Variants in TEC observed in about 807,000 individuals in gnomAD.
TEC encodes tyrosine-protein kinase Tec.
TEC carries 72 observed loss-of-function variants against 93.0 expected under a neutral mutation model. The ratio of observed to expected loss-of-function variants is 0.77; its 90% CI spans 0.64 to 0.94. The LOEUF (loss-of-function observed/expected upper bound fraction) is 0.94. TEC is among the 40% of genes least tolerant of loss of function. The pLI, the probability that TEC is intolerant of heterozygous loss-of-function variation, is 0.00. For synonymous variants in TEC, 249 were observed against 247.7 expected (o/e 1.01, Z -0.05); for missense variants, 630 against 757.9 (o/e 0.83, Z 1.98).
At chr4:48,263,944 C>A (rs1291453746) in intron 1 of TEC, among the ~76,000 whole-genome samples, 1 of 152,156 alleles carries the variant, frequency 6.6e-6, no homozygotes. Context: ...ACTGCTATGA[C>A]TGAATGGTGC....
chr4:48,179,716 GGC>G (rs530985403), intron 2 of TEC, among the ~76,000 whole-genome samples: 115 of 152,060 alleles, frequency 7.6e-4, no homozygotes, highest in African/African-American at 2.7e-3. Context: ...AGAGAACAAT[GGC>G]TTACATTTCA....
At chr4:48,200,280 G>C (rs139325425) in intron 2 of TEC, among the ~76,000 whole-genome samples, 1 of 152,164 alleles carries the variant, frequency 6.6e-6, no homozygotes, top group African/African-American at 2.4e-5. Flanking sequence ...TGGGCTGGGG[G>C]GTGGGGAGTG....
At chr4:48,186,121 G>C (rs1408435396) in intron 2 of TEC, among the ~76,000 whole-genome samples, 1 of 152,202 alleles carries the variant, frequency 6.6e-6, no homozygotes, top group Non-Finnish European at 1.5e-5. Flanking sequence ...GGCCTCCCGA[G>C]GTGCCGGGAT....
chr4:48,181,889 G>A (rs1379019204), intron 2 of TEC, among the ~76,000 whole-genome samples: 1 of 152,110 alleles, frequency 6.6e-6, no homozygotes, highest in African/African-American at 2.4e-5. Flanking sequence ...AGTTACCGTA[G>A]AAGGAACTCA....
intron 2 of TEC, among the ~76,000 whole-genome samples, chr4:48,194,739 T>C (rs762439631): frequency 8.5e-5 from 13 of 152,294 alleles, no homozygotes; most frequent in Non-Finnish European, 1.6e-4. Context: ...AGGTCTCTAG[T>C]AGCAGACGGT....
chr4:48,222,278 G>A (rs1047580922), intron 2 of TEC, among the ~76,000 whole-genome samples: 12 of 152,102 alleles, frequency 7.9e-5, no homozygotes, highest in Non-Finnish European at 1.8e-4. Context: ...GGAGGAAGAG[G>A]AGAAGAAGAA....
chr4:48,145,089 T>C lies in TEC; in HGVS notation c.1460A>G (p.His487Arg). Residue 487 changes from histidine to arginine, a missense_variant, in exon 14 of 18, where the codon CAC becomes CGC. His to Arg is a conservative substitution (Grantham distance 29, BLOSUM62 0). Transcript: ENST00000381501. ...MEYLERNSFI[H>R]RDLAARNCLV... Reference sequence around the variant, plus strand: ...GGTGGCTAGGGTTACCAGATCTCTGTGGATGAAGCTGTTTCTCTCCAGATA... The same window carrying C: ...GGTGGCTAGGGTTACCAGATCTCTGCGGATGAAGCTGTTTCTCTCCAGATA... 6.2e-7 allele frequency: 1 copy of C among 1,613,942 alleles called. No homozygotes were observed. The highest frequency in any genetic ancestry group is 8.5e-7 in the Non-Finnish European group (1 of 1,179,824).
chr4:48,264,390 G>C (rs918987747), intron 1 of TEC, among the ~76,000 whole-genome samples: 2 of 152,150 alleles, frequency 1.3e-5, no homozygotes, highest in African/African-American at 4.8e-5. Context: ...CCTTCAGGGG[G>C]TCCGTACACA....
intron 4 of TEC, among the ~76,000 whole-genome samples, chr4:48,171,166 A>T (rs1385156532): frequency 1.3e-5 from 2 of 152,258 alleles, no homozygotes; most frequent in African/African-American, 2.4e-5. Flanking sequence ...ATATGCTACT[A>T]GAAAAAAATC....
At chr4:48,210,133 G>A (rs927530843) in intron 2 of TEC, among the ~76,000 whole-genome samples, 4 of 152,170 alleles carry the variant, frequency 2.6e-5, no homozygotes, top group South Asian at 2.1e-4. Flanking sequence ...GGAATTGAAA[G>A]AGCCTAAAGC....
At chr4:48,156,835 A>C (rs1720423521) in intron 8 of TEC, 101 bp from the exon 9 acceptor site, 2 of 849,076 alleles carry the variant, frequency 2.4e-6, no homozygotes, top group Non-Finnish European at 3.5e-6. Flanking sequence ...TAATAAATAT[A>C]ACAAATAAGA....
At chr4:48,194,162 G>A (rs10805166) in intron 2 of TEC, among the ~76,000 whole-genome samples, 98,602 of 152,002 alleles carry the variant, frequency 0.65, 32,919 homozygotes, top group East Asian at 0.96. Context: ...CTTCCCCTGG[G>A]GCTGGATTTC....
intron 9 of TEC, among the ~76,000 whole-genome samples, chr4:48,152,692 C>T (rs1720224797): frequency 6.6e-6 from 1 of 152,114 alleles, no homozygotes; most frequent in Non-Finnish European, 1.5e-5. Context: ...GATTTGGTCC[C>T]CAGGCTGCCA....
At chr4:48,163,573 G>T in intron 8 of TEC, 129 bp downstream of exon 8, 1 of 621,336 alleles carries the variant, frequency 1.6e-6, no homozygotes, top group Non-Finnish European at 2.8e-6. Context: ...AGGCAATTGA[G>T]TTAAGGATAT....
chr4:48,247,474 T>C (rs1724090295), intron 1 of TEC, among the ~76,000 whole-genome samples: 1 of 152,122 alleles, frequency 6.6e-6, no homozygotes, highest in South Asian at 2.1e-4. Flanking sequence ...AGCCAAAAAG[T>C]GAAAACAACC....
At position 48,141,948 on chromosome 4, in the gene TEC, C is replaced by T. The variant is rs1032795141; in HGVS notation, c.1471-529G>A. Among the ~76,000 whole-genome samples the T allele has an allele frequency of 2.6e-5, 4 of 152,134 alleles. 1 individual carries two copies. The highest frequency in any genetic ancestry group is 3.8e-4 in the East Asian group (2 of 5,196). ...GGATTATAGTCACGAGCAACCTCAC[C>T]GGCCAACTGTCATTCTTAAACAAGG... is the stretch of plus-strand genomic sequence containing the variant. On this transcript the variant is annotated intron_variant, in intron 14 of 17. Coordinates refer to ENST00000381501, the MANE Select transcript of TEC (RefSeq NM_003215.3).
At chr4:48,146,222 A>G (rs543068315) in intron 12 of TEC, 103 bp downstream of exon 12, 3 of 1,061,116 alleles carry the variant, frequency 2.8e-6, no homozygotes, top group Non-Finnish European at 4.2e-6. Flanking sequence ...AAACTTATAA[A>G]AAACAGTTCC....
chr4:48,216,236 C>T (rs1258986417), intron 2 of TEC, among the ~76,000 whole-genome samples: 6 of 133,786 alleles, frequency 4.5e-5, no homozygotes, highest in South Asian at 2.3e-4. Flanking sequence ...CCAATCTCTA[C>T]GCCCCAGGAA....
chr4:48,181,518 C>G (rs1160166174), intron 2 of TEC, among the ~76,000 whole-genome samples: 1 of 151,698 alleles, frequency 6.6e-6, no homozygotes, highest in African/African-American at 2.4e-5. Flanking sequence ...ACTAAAAATA[C>G]AAAAATTAGC....
Sources: allele counts gnomAD v4.1 joint callset (sites outside exome capture counted in the v4.1 genomes callset), GRCh38; gene constraint gnomAD v4.1.1; transcripts MANE v1.5; gene names NCBI Gene and HGNC (gene_info 2026-07-23, HGNC 2026-07-21).